Variants in TNPO1 observed in about 807,000 individuals in gnomAD.
The protein encoded by TNPO1 is transportin-1.
A neutral mutation model predicts 119.5 loss-of-function variants in TNPO1; 8 were observed. That is an observed-to-expected ratio of 0.07 (90% CI 0.04 to 0.12). The LOEUF (loss-of-function observed/expected upper bound fraction) is 0.12, where lower values mean the gene tolerates loss of function less well. Ranked by LOEUF, TNPO1 falls within the 10% of genes least tolerant of loss-of-function variation. The probability of loss-of-function intolerance (pLI) is 1.00; values close to 1 mark genes in which losing one functional copy is unlikely to be tolerated. For missense variants in TNPO1, 576 were observed against 1,089.8 expected (o/e 0.53, Z 6.64); for synonymous variants, 362 against 363.0 (o/e 1.00, Z 0.03).
At chr5:72,858,505 C>T (rs1746168219) in intron 4 of TNPO1, among the ~76,000 whole-genome samples, 1 of 152,076 alleles carries the variant, frequency 6.6e-6, no homozygotes, top group African/African-American at 2.4e-5. Context: ...CAGATTCTTC[C>T]CAAAGAGGGG....
At position 72,903,733 on chromosome 5, in the gene TNPO1, G is replaced by A. The variant is rs113153605; in HGVS notation, c.2539G>A (p.Val847Ile). ...GGATTTTATATTTTTTTGTGATGCCGTTGCATCATGGATTAACCCAAAAGA... is the reference window on the plus strand; with the variant it reads ...GGATTTTATATTTTTTTGTGATGCCATTGCATCATGGATTAACCCAAAAGA... ...IQDFIFFCDA[V>I]ASWINPKDDL... The change falls in exon 23 of 25, where the codon GTT (valine) becomes ATT (isoleucine). Residue 847 changes from valine to isoleucine, a missense_variant. Val to Ile is a conservative substitution (Grantham distance 29). This residue lies in a region of TNPO1 where 162 missense variants were observed against 294.1 expected (regional missense o/e 0.55). Transcript: ENST00000337273. The A allele has an allele frequency of 2.5e-4, 409 of 1,604,920 alleles. 4 individuals carry two copies. The South Asian group carries it at 3.7e-3, about 14-fold the overall frequency.
At chr5:72,859,023 TC>T (rs1746227445) in intron 4 of TNPO1, among the ~76,000 whole-genome samples, 1 of 83,278 alleles carries the variant, frequency 1.2e-5, no homozygotes. Flanking sequence ...TTAAAACACT[TC>T]TAGGAACATA....
At chr5:72,884,713 C>T (rs530505369) in intron 11 of TNPO1, among the ~76,000 whole-genome samples, 5 of 152,164 alleles carry the variant, frequency 3.3e-5, no homozygotes, top group African/African-American at 1.2e-4. Flanking sequence ...TTCAGGGTTT[C>T]TCAGCCTTGG....
At position 72,827,860 on chromosome 5, in the gene TNPO1, C is replaced by T. The variant is rs534090219; in HGVS notation, c.15+11108C>T. 3.0e-4 allele frequency among the ~76,000 whole-genome samples: 44 copies of T among 147,232 alleles called. 1 individual carries two copies. The South Asian group carries it at 8.3e-3, about 28-fold the overall frequency. ...ACTTGAGGCTGGGAGGTCAAGGTTGCAGTGATCTGTGGTCATGCCACTGCA... is the reference window on the plus strand; with the variant it reads ...ACTTGAGGCTGGGAGGTCAAGGTTGTAGTGATCTGTGGTCATGCCACTGCA... On this transcript the variant is annotated intron_variant, in intron 1 of 24. Coordinates refer to ENST00000337273, the MANE Select transcript of TNPO1 (RefSeq NM_002270.4).
chr5:72,886,869 A>G (rs991370920), intron 11 of TNPO1, among the ~76,000 whole-genome samples: 1 of 136,356 alleles, frequency 7.3e-6, no homozygotes, highest in Non-Finnish European at 1.5e-5. Context: ...AGCCTGAGCG[A>G]CAGAACAAGA....
intron 1 of TNPO1, among the ~76,000 whole-genome samples, chr5:72,844,685 G>T (rs756236726): frequency 6.6e-6 from 1 of 152,114 alleles, no homozygotes; most frequent in African/African-American, 2.4e-5. Context: ...CCCATTTTAG[G>T]GTTGGGAAAC....
chr5:72,851,905 A>G (rs1187604210), intron 3 of TNPO1, among the ~76,000 whole-genome samples: 1 of 152,222 alleles, frequency 6.6e-6, no homozygotes, highest in Non-Finnish European at 1.5e-5. Flanking sequence ...ATAGATGGAT[A>G]TAACAAAGGT....
chr5:72,883,260 GC>G (rs1748381530), intron 11 of TNPO1, 28 bp downstream of exon 11: 1 of 1,073,104 alleles, frequency 9.3e-7, no homozygotes, highest in African/African-American at 1.5e-5. Context: ...AAGCACAGTT[GC>G]CTACTTTGAT....
chr5:72,848,919 G>A (rs1301640934), intron 2 of TNPO1, among the ~76,000 whole-genome samples: 2 of 151,760 alleles, frequency 1.3e-5, no homozygotes, highest in Non-Finnish European at 2.9e-5. Flanking sequence ...CAGGCCGAGC[G>A]GGAGGCCGGG....
intron 11 of TNPO1, among the ~76,000 whole-genome samples, chr5:72,884,943 A>G (rs1748514122): frequency 6.6e-6 from 1 of 152,230 alleles, no homozygotes; most frequent in African/African-American, 2.4e-5. Context: ...CCACTACTCT[A>G]GTTCAAAGTG....
At chr5:72,816,815 G>C in intron 1 of TNPO1, 63 bp downstream of exon 1, 1 of 1,530,922 alleles carries the variant, frequency 6.5e-7, no homozygotes, top group Non-Finnish European at 8.8e-7. Context: ...TGGGAGCGCC[G>C]AGCTGCCTGA....
intron 1 of TNPO1, among the ~76,000 whole-genome samples, chr5:72,827,295 G>T (rs1744246119): frequency 6.6e-6 from 1 of 152,186 alleles, no homozygotes; most frequent in African/African-American, 2.4e-5. Flanking sequence ...AGCTTTGCAG[G>T]CTGTGATGAG....
At chr5:72,885,075 A>G (rs1034202894) in intron 11 of TNPO1, among the ~76,000 whole-genome samples, 2 of 152,260 alleles carry the variant, frequency 1.3e-5, no homozygotes, top group African/African-American at 4.8e-5. Flanking sequence ...CCTGTAACTA[A>G]CATTCTATTT....
At chr5:72,865,211 G>A (rs1380194691) in intron 5 of TNPO1, among the ~76,000 whole-genome samples, 6 of 152,104 alleles carry the variant, frequency 3.9e-5, no homozygotes, top group African/African-American at 1.4e-4. Context: ...GGAGGCTGAG[G>A]CAGGCGGACC....
At chr5:72,824,641 T>G (rs1744123877) in intron 1 of TNPO1, among the ~76,000 whole-genome samples, 1 of 152,224 alleles carries the variant, frequency 6.6e-6, no homozygotes, top group Non-Finnish European at 1.5e-5. Context: ...AATTCTCCTT[T>G]TCCTTTATTT....
chr5:72,862,992 T>TGTGTGTG (rs1746580660), intron 5 of TNPO1, among the ~76,000 whole-genome samples: 3 of 144,772 alleles, frequency 2.1e-5, no homozygotes, highest in African/African-American at 5.1e-5. Context: ...CTGTGGGTTT[T>TGTGTGTG]TGTGTGTGTG....
chr5:72,851,002 C>G (rs1475939393), intron 2 of TNPO1, among the ~76,000 whole-genome samples: 1 of 152,016 alleles, frequency 6.6e-6, no homozygotes, highest in African/African-American at 2.4e-5. Flanking sequence ...CTGGAACTTT[C>G]TTATGTTGTA....
intron 2 of TNPO1, 39 bp downstream of exon 2, chr5:72,848,537 G>T: frequency 2.9e-6 from 4 of 1,395,414 alleles, no homozygotes; most frequent in Non-Finnish European, 2.9e-6. Flanking sequence ...CGCGCAGCTC[G>T]CCCCGCGCTG....
At position 72,893,144 on chromosome 5, in the gene TNPO1, A is replaced by G. The variant is rs1435894157; in HGVS notation, c.1794A>G (p.Leu598=). 1.2e-6 allele frequency: 2 copies of G among 1,612,522 alleles called. No individual in the cohort carries two copies. The highest frequency in any genetic ancestry group is 1.7e-6 in the Non-Finnish European group (2 of 1,179,374). ...GTGTACTTTATTCTTCCTAGTGCCT[A>G]TCTTCAGTTGCCACAGCACTGCAGT... ...DKDLFPLLEC[L]SSVATALQSG... The change falls in exon 16 of 25, where the codon CTA becomes CTG. Residue 598 remains leucine, a synonymous_variant. Coordinates refer to ENST00000337273, the MANE Select transcript of TNPO1 (RefSeq NM_002270.4).
Sources: allele counts gnomAD v4.1 joint callset (sites outside exome capture counted in the v4.1 genomes callset), GRCh38; gene constraint gnomAD v4.1.1; regional missense constraint gnomAD v4.1.1; transcripts MANE v1.5; gene names NCBI Gene and HGNC (gene_info 2026-07-23, HGNC 2026-07-21).